The following DACH2 variants were observed in gnomAD, a reference collection of about 807,000 sequenced individuals.
DACH2 encodes the protein dachshund family transcription factor 2.
A neutral mutation model predicts 35.8 loss-of-function variants in DACH2; 17 were observed. The observed-to-expected ratio is 0.48, with a 90% CI of 0.33 to 0.71. The LOEUF is 0.71. Ranked by LOEUF, DACH2 falls within the 30% of genes least tolerant of loss-of-function variation. The pLI is 0.02. For missense variants in DACH2, 469 were observed against 472.7 expected (o/e 0.99, Z 0.07); for synonymous variants, 195 against 177.3 (o/e 1.10, Z -0.79).
At chrX:86,418,516 C>A (rs972161294) in intron 2 of DACH2, among the ~76,000 whole-genome samples, 3 of 112,110 alleles carry the variant, frequency 2.7e-5, no homozygotes, top group Admixed American at 9.4e-5. Flanking sequence ...AGGCTTGAGG[C>A]TTGCACCCTC....
intron 1 of DACH2, among the ~76,000 whole-genome samples, chrX:86,205,774 C>T (rs999402337): frequency 9.4e-6 from 1 of 106,903 alleles, no homozygotes; most frequent in Admixed American, 1.0e-4. Context: ...GCTGTGTTGC[C>T]CAAGTTGACC....
chrX:86,803,518 A>C (rs867802902), intron 7 of DACH2, among the ~76,000 whole-genome samples: 50 of 111,219 alleles, frequency 4.5e-4, no homozygotes, highest in African/African-American at 1.6e-3. Context: ...TAAATACATA[A>C]ATTATATATT....
intron 3 of DACH2, among the ~76,000 whole-genome samples, chrX:86,632,573 G>T (rs1033222946): frequency 4.6e-5 from 5 of 109,664 alleles, no homozygotes; most frequent in Admixed American, 9.8e-5. Context: ...TTAAGAAGAG[G>T]ATGTAGAAAG....
At chrX:86,594,904 T>C (rs193146593) in intron 3 of DACH2, among the ~76,000 whole-genome samples, 17 of 111,783 alleles carry the variant, frequency 1.5e-4, no homozygotes, top group South Asian at 1.1e-3. Flanking sequence ...AATGGGTTCA[T>C]TTTTTTACCC....
rs946209282 is a variant in DACH2 at position 86,799,372 on chromosome X, G to A, written c.1241-13484G>A. The A allele has an allele frequency of 1.1e-4, 14 of 125,779 alleles. No homozygotes were observed. In the Admixed American group the frequency reaches 1.3e-3, roughly 12 times the overall value. The allele number at this position is 125,779 out of a possible 1,213,427, so 10.4% of individuals were successfully genotyped here. ...ATATACAACTTAAATTAAATTTGAG[G>A]GGAAAATGCGACTTGGTGGCTGGCA... On this transcript the variant is annotated intron_variant, in intron 7 of 11. Coordinates refer to ENST00000373125, the MANE Select transcript of DACH2 (RefSeq NM_053281.3).
chrX:86,476,200 T>C (rs1255599530), intron 2 of DACH2, among the ~76,000 whole-genome samples: 1 of 112,115 alleles, frequency 8.9e-6, no homozygotes, highest in East Asian at 2.8e-4. Flanking sequence ...AGAATGAGTT[T>C]GGAGGTGTTC....
At chrX:86,804,179 A>T (rs2042321144) in intron 7 of DACH2, among the ~76,000 whole-genome samples, 1 of 111,917 alleles carries the variant, frequency 8.9e-6, no homozygotes, top group Non-Finnish European at 1.9e-5. Context: ...ATGGTTCTTC[A>T]GGCTGTACAG....
intron 1 of DACH2, among the ~76,000 whole-genome samples, chrX:86,178,450 T>C (rs2031375349): frequency 1.8e-5 from 2 of 111,520 alleles, no homozygotes; most frequent in Non-Finnish European, 1.9e-5. Flanking sequence ...ACATAGTACA[T>C]GGATGTAAGT....
At chrX:86,166,089 C>T (rs753024361) in intron 1 of DACH2, among the ~76,000 whole-genome samples, 15 of 111,001 alleles carry the variant, frequency 1.4e-4, no homozygotes, top group African/African-American at 3.6e-4. Flanking sequence ...TTGAAGAGAT[C>T]GTCTTTTCCC....
intron 1 of DACH2, among the ~76,000 whole-genome samples, chrX:86,206,873 G>A (rs1467241560): frequency 9.0e-6 from 1 of 111,722 alleles, no homozygotes; most frequent in Non-Finnish European, 1.9e-5. Flanking sequence ...TTCATAACAT[G>A]GGATTTTTGT....
chrX:86,663,917 T>C (rs181061546), intron 4 of DACH2, among the ~76,000 whole-genome samples: 3 of 112,176 alleles, frequency 2.7e-5, no homozygotes, highest in African/African-American at 9.7e-5. Context: ...TTAAATGGCT[T>C]GCAGAAATTT....
At chrX:86,682,492 C>T (rs904646811) in intron 4 of DACH2, among the ~76,000 whole-genome samples, 3 of 111,731 alleles carry the variant, frequency 2.7e-5, no homozygotes, top group African/African-American at 9.8e-5. Context: ...GTCAAGTGCC[C>T]AGTGTGCTTT....
At chrX:86,533,016 A>AT (rs764602185) in intron 3 of DACH2, among the ~76,000 whole-genome samples, 2 of 106,994 alleles carry the variant, frequency 1.9e-5, no homozygotes, top group African/African-American at 6.7e-5. Context: ...GCAATGGACA[A>AT]TTTTTTAATA....
rs113800595 is a variant in DACH2 at position 86,785,240 on chromosome X, G to A, written c.1241-27616G>A. On this transcript the variant is annotated intron_variant, in intron 7 of 11. Coordinates refer to ENST00000373125, the MANE Select transcript of DACH2 (RefSeq NM_053281.3). The stretch of plus-strand genomic sequence containing the variant: ...GTAAGACATCCACTGAAGATGTTGC[G>A]TAAGCAGTGAAATATACAGTCTGAA... Among the ~76,000 whole-genome samples, 464 of 111,996 alleles carry A rather than the reference G, an allele frequency of 4.1e-3. 1 individual carries two copies. Among genetic ancestry groups the A allele is most frequent in the African/African-American group, 0.014 (439 of 30,837 alleles).
At chrX:86,337,950 C>T (rs1438402091) in intron 1 of DACH2, among the ~76,000 whole-genome samples, 1 of 111,242 alleles carries the variant, frequency 9.0e-6, no homozygotes, top group Non-Finnish European at 1.9e-5. Flanking sequence ...TTTAAACCAA[C>T]AAAGATCAAA....
At chrX:86,259,085 C>G (rs2147960302) in intron 1 of DACH2, among the ~76,000 whole-genome samples, 1 of 111,674 alleles carries the variant, frequency 9.0e-6, no homozygotes, top group South Asian at 3.7e-4. Flanking sequence ...ACAGATTTGC[C>G]TGTCAAAAAT....
chrX:86,474,053 C>T (rs1271121606), intron 2 of DACH2, among the ~76,000 whole-genome samples: 1 of 111,804 alleles, frequency 8.9e-6, no homozygotes, highest in Non-Finnish European at 1.9e-5. Flanking sequence ...GGATATAAGC[C>T]ATTTTAACTG....
intron 1 of DACH2, among the ~76,000 whole-genome samples, chrX:86,193,096 A>T (rs1380178455): frequency 8.9e-6 from 1 of 112,003 alleles, no homozygotes; most frequent in African/African-American, 3.2e-5. Flanking sequence ...TGTATGAAAC[A>T]TAACTAGAAT....
intron 3 of DACH2, among the ~76,000 whole-genome samples, chrX:86,620,271 A>G (rs1234017916): frequency 8.9e-6 from 1 of 111,887 alleles, no homozygotes; most frequent in African/African-American, 3.2e-5. Flanking sequence ...TTGTACATAG[A>G]AAAAGGCCGT....
Sources: gnomAD v4.1 joint callset for allele counts (sites outside exome capture counted in the v4.1 genomes callset) on GRCh38, gnomAD v4.1.1 for gene constraint, MANE v1.5 for transcripts, NCBI Gene and HGNC (gene_info 2026-07-23, HGNC 2026-07-21) for gene names.